VTA1: variants seen among roughly 807,000 people sequenced by gnomAD.
VTA1 encodes the protein vesicle trafficking 1.
VTA1 carries 24 observed loss-of-function variants against 36.9 expected under a neutral mutation model. The observed-to-expected ratio is 0.65, with a 90% CI of 0.47 to 0.91. VTA1 has a LOEUF of 0.91. Ranked by LOEUF, VTA1 falls within the 40% of genes least tolerant of loss-of-function variation. The pLI is 0.00. For synonymous variants in VTA1, 142 were observed against 130.2 expected, an observed-to-expected ratio of 1.09 and a Z score of -0.62; for missense variants, 393 against 377.2, an observed-to-expected ratio of 1.04 and a Z score of -0.35.
chr6:142,186,446 G>A (rs1226288657), intron 4 of VTA1, among the ~76,000 whole-genome samples: 2 of 152,132 alleles, frequency 1.3e-5, no homozygotes, highest in Admixed American at 1.3e-4. Flanking sequence ...AGGGGCTAGG[G>A]CAAGAATAGA....
chr6:142,171,921 T>A (rs1455909413), intron 4 of VTA1, among the ~76,000 whole-genome samples: 1 of 152,204 alleles, frequency 6.6e-6, no homozygotes, highest in East Asian at 1.9e-4. Context: ...ATATTCAAAA[T>A]GAAGTTACTC....
At chr6:142,211,182 G>A (rs1256617953) in intron 7 of VTA1, among the ~76,000 whole-genome samples, 2 of 151,228 alleles carry the variant, frequency 1.3e-5, no homozygotes, top group African/African-American at 2.4e-5. Context: ...GGGGGAAGGA[G>A]TGGAGGATGA....
At chr6:142,162,868 T>G (rs1774835794) in intron 1 of VTA1, among the ~76,000 whole-genome samples, 1 of 152,128 alleles carries the variant, frequency 6.6e-6, no homozygotes, top group Non-Finnish European at 1.5e-5. Context: ...GTAATGTGCA[T>G]AGTTGAATGT....
At position 142,219,588 on chromosome 6, in the gene VTA1, T is replaced by G. The variant is rs764158369; in HGVS notation, c.*945T>G. ...TGAAAAATAAATACAAGGATTCGTT[T>G]AGCTAATTCAACTTACTACAAAGAC... is the stretch of plus-strand genomic sequence containing the variant. On this transcript the variant is annotated 3_prime_UTR_variant, in exon 8 of 8. Coordinates refer to ENST00000367630, the MANE Select transcript of VTA1 (RefSeq NM_016485.5). 2 of 152,230 alleles carry G rather than the reference T, an allele frequency of 1.3e-5. No individual in the cohort carries two copies. Among genetic ancestry groups the G allele is most frequent in the Non-Finnish European group, 2.9e-5 (2 of 68,022 alleles). 9.4% of individuals were successfully genotyped at this position (152,230 alleles called of 1,614,324 possible).
intron 7 of VTA1, among the ~76,000 whole-genome samples, chr6:142,212,176 TG>T (rs1775916831): frequency 6.6e-6 from 1 of 152,242 alleles, no homozygotes; most frequent in Non-Finnish European, 1.5e-5. Flanking sequence ...TTTACCTGAA[TG>T]CTTTTAAAAC....
At chr6:142,198,345 A>G in intron 5 of VTA1, 94 bp from the exon 6 acceptor site, 2 of 1,165,266 alleles carry the variant, frequency 1.7e-6, no homozygotes, top group East Asian at 5.5e-5. Flanking sequence ...TTGCATTTAA[A>G]GATTCCATTT....
intron 1 of VTA1, among the ~76,000 whole-genome samples, chr6:142,156,079 T>TG (rs1340976521): frequency 2.6e-5 from 4 of 152,208 alleles, no homozygotes; most frequent in African/African-American, 7.2e-5. Context: ...GCCATACAGT[T>TG]GTCACCTAAT....
chr6:142,209,662 G>T (rs924983054), intron 7 of VTA1, among the ~76,000 whole-genome samples: 1 of 150,866 alleles, frequency 6.6e-6, no homozygotes, highest in Non-Finnish European at 1.5e-5. Flanking sequence ...TCTAACTAAA[G>T]AAGTTAGTTA....
chr6:142,175,590 T>C (rs1256090078), intron 4 of VTA1, among the ~76,000 whole-genome samples: 1 of 152,098 alleles, frequency 6.6e-6, no homozygotes, highest in African/African-American at 2.4e-5. Flanking sequence ...TGCAAGTACT[T>C]GAAGAGGGGG....
intron 5 of VTA1, among the ~76,000 whole-genome samples, chr6:142,189,964 A>G (rs1476880712): frequency 6.6e-6 from 1 of 152,094 alleles, no homozygotes; most frequent in Non-Finnish European, 1.5e-5. Context: ...TCACTGTGTT[A>G]GACAGGATGG....
At chr6:142,164,715 A>G (rs1019017149) in intron 1 of VTA1, among the ~76,000 whole-genome samples, 2 of 152,208 alleles carry the variant, frequency 1.3e-5, no homozygotes, top group African/African-American at 2.4e-5. Flanking sequence ...ACAGCAGGGT[A>G]GGCAGTATAC....
chr6:142,167,352 C>T (rs2114642770), intron 2 of VTA1, among the ~76,000 whole-genome samples: 1 of 152,270 alleles, frequency 6.6e-6, no homozygotes, highest in South Asian at 2.1e-4. Flanking sequence ...TCAGGGTACA[C>T]TCATTAATTC....
At chr6:142,159,478 G>T (rs565681448) in intron 1 of VTA1, among the ~76,000 whole-genome samples, 2 of 134,842 alleles carry the variant, frequency 1.5e-5, no homozygotes, top group African/African-American at 5.4e-5. Flanking sequence ...TTCATTTCAG[G>T]TATTATTATT....
chr6:142,152,078 C>G (rs1778579596), intron 1 of VTA1, among the ~76,000 whole-genome samples: 1 of 151,378 alleles, frequency 6.6e-6, no homozygotes, highest in Non-Finnish European at 1.5e-5. Flanking sequence ...AATAAAACAG[C>G]TGATGAGATT....
At chr6:142,211,583 C>T (rs998711582) in intron 7 of VTA1, among the ~76,000 whole-genome samples, 33 of 151,902 alleles carry the variant, frequency 2.2e-4, no homozygotes, top group African/African-American at 1.9e-4. Flanking sequence ...CGGTGGCAGG[C>T]GCCTCTAATC....
chr6:142,181,094 A>AAAAAATATATATATATATAT (rs1471429927), intron 4 of VTA1, among the ~76,000 whole-genome samples: 33 of 36,414 alleles, frequency 9.1e-4, no homozygotes, highest in Non-Finnish European at 1.2e-3. Context: ...AAAAAAAAAA[A>AAAAAATATATATATATATAT]ATATATATAT....
intron 7 of VTA1, among the ~76,000 whole-genome samples, chr6:142,214,084 A>C (rs773392622): frequency 6.6e-6 from 1 of 152,096 alleles, no homozygotes; most frequent in Non-Finnish European, 1.5e-5. Flanking sequence ...ATTTTCAGAT[A>C]ATCTCTTTGT....
At chr6:142,151,569 A>G (rs1265924293) in intron 1 of VTA1, among the ~76,000 whole-genome samples, 1 of 152,234 alleles carries the variant, frequency 6.6e-6, no homozygotes, top group Non-Finnish European at 1.5e-5. Flanking sequence ...TTGACATTCC[A>G]ACTGGAATAT....
At chr6:142,206,480 C>G (rs1354155680) in intron 7 of VTA1, among the ~76,000 whole-genome samples, 8 of 152,220 alleles carry the variant, frequency 5.3e-5, no homozygotes. Context: ...ATTTCGTGAT[C>G]ATGCATAAGA....
Sources: allele counts gnomAD v4.1 joint callset (sites outside exome capture counted in the v4.1 genomes callset), GRCh38; gene constraint gnomAD v4.1.1; transcripts MANE v1.5; gene names NCBI Gene and HGNC (gene_info 2026-07-23, HGNC 2026-07-21).